The following FSTL5 variants were observed in gnomAD, a reference collection of about 807,000 sequenced individuals.
The protein encoded by FSTL5 is follistatin like 5, also known as follistatin-related protein 5.
A neutral mutation model predicts 89.1 loss-of-function variants in FSTL5; 62 were observed. That is an observed-to-expected ratio of 0.70 (90% CI 0.57 to 0.86). The LOEUF (loss-of-function observed/expected upper bound fraction) is 0.86. Ranked by LOEUF, FSTL5 falls within the 40% of genes least tolerant of loss-of-function variation. The pLI is 0.00. For synonymous variants in FSTL5, 383 were observed against 346.2 expected, an observed-to-expected ratio of 1.11 and a Z score of -1.18; for missense variants, 1,057 against 1,001.6, an observed-to-expected ratio of 1.06 and a Z score of -0.75.
chr4:161,521,814 A>C (rs1731039573), intron 10 of FSTL5, among the ~76,000 whole-genome samples: 1 of 134,058 alleles, frequency 7.5e-6, no homozygotes, highest in South Asian at 2.5e-4. Context: ...GCGCCACTGC[A>C]CTCCAGCCTG....
intron 2 of FSTL5, among the ~76,000 whole-genome samples, chr4:162,035,652 T>C (rs921734513): frequency 6.6e-6 from 1 of 152,092 alleles, no homozygotes; most frequent in Admixed American, 6.6e-5. Flanking sequence ...TGAGAATACA[T>C]ATACATTTCT....
chr4:161,396,229 C>T (rs939190866), intron 15 of FSTL5, among the ~76,000 whole-genome samples: 2 of 151,894 alleles, frequency 1.3e-5, no homozygotes, highest in African/African-American at 4.8e-5. Context: ...GCACACATGA[C>T]TGATTAAGTA....
At chr4:162,080,021 TATG>T (rs1730027804) in intron 2 of FSTL5, among the ~76,000 whole-genome samples, 1 of 151,480 alleles carries the variant, frequency 6.6e-6, no homozygotes, top group Non-Finnish European at 1.5e-5. Flanking sequence ...TCCAAAATAA[TATG>T]ATACCAACTT....
At chr4:161,827,588 C>T (rs1264970934) in intron 4 of FSTL5, among the ~76,000 whole-genome samples, 10 of 152,152 alleles carry the variant, frequency 6.6e-5, no homozygotes, top group Admixed American at 6.5e-4. Flanking sequence ...AAGGGTTAGG[C>T]GTGTCTGAGC....
chr4:161,813,683 G>C (rs359147), intron 4 of FSTL5, among the ~76,000 whole-genome samples: 10 of 151,952 alleles, frequency 6.6e-5, no homozygotes, highest in African/African-American at 2.4e-4. Flanking sequence ...CTTTGCCTTA[G>C]TTATTTTATC....
chr4:161,823,443 G>GTA (rs1239945615), intron 4 of FSTL5, among the ~76,000 whole-genome samples: 2 of 152,226 alleles, frequency 1.3e-5, no homozygotes, highest in Non-Finnish European at 1.5e-5. Flanking sequence ...ACAGCCCCGA[G>GTA]TTCATGTACA....
At chr4:161,386,764 G>A in intron 15 of FSTL5, 1 of 287,652 alleles carries the variant, frequency 3.5e-6, no homozygotes, top group Admixed American at 5.0e-5. Flanking sequence ...ACATTATTCT[G>A]TAAGTCTCTA....
chr4:161,860,286 TCAAA>T (rs10690156), intron 4 of FSTL5, among the ~76,000 whole-genome samples: 3,757 of 149,898 alleles, frequency 0.025, 139 homozygotes, highest in African/African-American at 0.082. Context: ...AGACTCCGTC[TCAAA>T]CAAACAAACA....
chr4:162,126,396 A>C (rs924303320), intron 1 of FSTL5, among the ~76,000 whole-genome samples: 3 of 152,174 alleles, frequency 2.0e-5, no homozygotes, highest in African/African-American at 7.2e-5. Context: ...TGTGGCATTT[A>C]AAACATGATG....
At chr4:161,535,664 G>A (rs1731583872) in intron 10 of FSTL5, among the ~76,000 whole-genome samples, 1 of 152,096 alleles carries the variant, frequency 6.6e-6, no homozygotes, top group African/African-American at 2.4e-5. Flanking sequence ...AGCCACTGTG[G>A]TTAGCAGTTT....
At chr4:161,624,090 G>T (rs991578119) in intron 7 of FSTL5, among the ~76,000 whole-genome samples, 1 of 151,928 alleles carries the variant, frequency 6.6e-6, no homozygotes, top group Non-Finnish European at 1.5e-5. Flanking sequence ...TGAGAGAAAA[G>T]ATAGCTATAA....
rs182486048 is a variant in FSTL5 at position 162,089,066 on chromosome 4, G to A, written c.126+22205C>T. Among the ~76,000 whole-genome samples the A allele has an allele frequency of 1.6e-3, 241 of 152,032 alleles. 1 individual carries two copies. Among genetic ancestry groups the A allele is most frequent in the African/African-American group, 5.6e-3 (231 of 41,494 alleles). On this transcript the variant is annotated intron_variant, in intron 2 of 15. Coordinates refer to ENST00000306100, the MANE Select transcript of FSTL5 (RefSeq NM_020116.5). ...AGCAGTTTCATTATTATGAGACTGG[G>A]TTTCTTATTAAGGGAATAGTTGCAT...
intron 4 of FSTL5, among the ~76,000 whole-genome samples, chr4:161,834,429 A>G (rs1322950174): frequency 6.6e-6 from 1 of 152,172 alleles, no homozygotes; most frequent in African/African-American, 2.4e-5. Flanking sequence ...CCTATTCAAC[A>G]TAGTGTTGGA....
intron 11 of FSTL5, among the ~76,000 whole-genome samples, chr4:161,508,709 T>C (rs2126497130): frequency 1.3e-5 from 2 of 152,256 alleles, no homozygotes; most frequent in South Asian, 4.1e-4. Flanking sequence ...ATTAATAATG[T>C]TCACGGTGGT....
intron 5 of FSTL5, among the ~76,000 whole-genome samples, chr4:161,764,838 T>C (rs1349444086): frequency 2.6e-5 from 4 of 152,180 alleles, no homozygotes; most frequent in African/African-American, 7.2e-5. Flanking sequence ...ACAAATAATA[T>C]GTTTAATATT....
intron 1 of FSTL5, among the ~76,000 whole-genome samples, chr4:162,162,038 A>C (rs1691209725): frequency 1.3e-5 from 2 of 152,120 alleles, no homozygotes; most frequent in East Asian, 1.9e-4. Flanking sequence ...ACTGACATGA[A>C]TCCTACAAAG....
intron 2 of FSTL5, among the ~76,000 whole-genome samples, chr4:162,075,860 T>C (rs1729817550): frequency 6.6e-6 from 1 of 151,884 alleles, no homozygotes; most frequent in African/African-American, 2.4e-5. Flanking sequence ...TGAGTCATTC[T>C]GGAAAGATCA....
intron 1 of FSTL5, among the ~76,000 whole-genome samples, chr4:162,146,834 G>A (rs1733018003): frequency 6.6e-6 from 1 of 151,052 alleles, no homozygotes. Context: ...TTGCCCGGGA[G>A]TGCAGTGTGG....
At chr4:161,856,366 T>C (rs1731721036) in intron 4 of FSTL5, among the ~76,000 whole-genome samples, 1 of 151,952 alleles carries the variant, frequency 6.6e-6, no homozygotes, top group South Asian at 2.1e-4. Context: ...TCAAGGGAAA[T>C]ATTAATGATT....
Sources: allele counts gnomAD v4.1 joint callset (sites outside exome capture counted in the v4.1 genomes callset), GRCh38; gene constraint gnomAD v4.1.1; transcripts MANE v1.5; gene names NCBI Gene and HGNC (gene_info 2026-07-23, HGNC 2026-07-21).